The following REPS2 variants were observed in gnomAD, a reference collection of about 807,000 sequenced individuals.
REPS2 encodes RALBP1 associated Eps domain containing 2.
REPS2 carries 23 observed loss-of-function variants against 53.6 expected under a neutral mutation model. The ratio of observed to expected loss-of-function variants is 0.43; its 90% CI spans 0.31 to 0.61. REPS2 has a LOEUF of 0.61. Ranked by LOEUF, REPS2 falls within the 20% of genes least tolerant of loss-of-function variation. REPS2 has a pLI of 0.11. For missense variants in REPS2, 446 were observed against 534.9 expected (o/e 0.83, Z 1.64); for synonymous variants, 238 against 218.6 (o/e 1.09, Z -0.78).
chrX:17,133,872 C>G lies in REPS2; in HGVS notation c.1627C>G (p.Pro543Ala). Residue 543 changes from proline (P) to alanine (A), a missense_variant, in exon 15 of 18, where the codon CCA becomes GCA. By Grantham distance (27) the Pro-to-Ala change is conservative. Coordinates refer to ENST00000357277, the MANE Select transcript of REPS2 (RefSeq NM_004726.3). ...AELLPQLSRA[P>A]SQAAESSPAK... ...GTTACTCCCACAGCTGAGCAGAGCC[C>G]CATCCCAGGCTGCAGAAAGTAGTCC... 8.3e-7 allele frequency: 1 copy of G among 1,211,307 alleles called. No homozygotes were observed. Among genetic ancestry groups the G allele is most frequent in the Admixed American group, 2.2e-5 (1 of 46,046 alleles).
chrX:17,001,715 G>A (rs1374191482), intron 1 of REPS2, among the ~76,000 whole-genome samples: 1 of 112,258 alleles, frequency 8.9e-6, no homozygotes, highest in African/African-American at 3.2e-5. Flanking sequence ...AGGCATATCC[G>A]AGACTGGGAA....
chrX:17,007,174 A>G (rs2061371765), intron 2 of REPS2, among the ~76,000 whole-genome samples: 1 of 112,064 alleles, frequency 8.9e-6, no homozygotes, highest in Non-Finnish European at 1.9e-5. Flanking sequence ...TAGACATACA[A>G]GTGGATTCAG....
At chrX:17,108,470 C>T (rs766152602) in intron 14 of REPS2, among the ~76,000 whole-genome samples, 1 of 111,271 alleles carries the variant, frequency 9.0e-6, no homozygotes, top group Non-Finnish European at 1.9e-5. Flanking sequence ...CCGTGCCCGG[C>T]GAGTTTGTGT....
chrX:17,008,402 T>A (rs2061387884), intron 2 of REPS2, among the ~76,000 whole-genome samples: 1 of 112,322 alleles, frequency 8.9e-6, no homozygotes, highest in Non-Finnish European at 1.9e-5. Context: ...GACAGTTTAA[T>A]TTCCTGAGGG....
intron 10 of REPS2, among the ~76,000 whole-genome samples, chrX:17,069,270 C>T (rs1431014009): frequency 9.0e-6 from 1 of 111,660 alleles, no homozygotes; most frequent in Non-Finnish European, 1.9e-5. Context: ...TTTTCTAAGC[C>T]TCAAGCCAGT....
chrX:16,954,723 C>G (rs1174085773), intron 1 of REPS2, among the ~76,000 whole-genome samples: 1 of 110,868 alleles, frequency 9.0e-6, no homozygotes, highest in Non-Finnish European at 1.9e-5. Context: ...CTTCACACTC[C>G]TAAGTAGGGG....
intron 1 of REPS2, among the ~76,000 whole-genome samples, chrX:16,951,698 A>G (rs1261433073): frequency 6.3e-5 from 7 of 111,591 alleles, no homozygotes; most frequent in Non-Finnish European, 1.1e-4. Context: ...CCTGGGTGAA[A>G]GAGCCAGACC....
At chrX:17,052,774 T>C (rs1457261560) in intron 7 of REPS2, among the ~76,000 whole-genome samples, 7 of 112,456 alleles carry the variant, frequency 6.2e-5, no homozygotes. Flanking sequence ...TTTCAGACTT[T>C]TCTGCTAGGT....
At chrX:17,019,968 C>T (rs2061550423) in intron 2 of REPS2, among the ~76,000 whole-genome samples, 1 of 112,267 alleles carries the variant, frequency 8.9e-6, no homozygotes, top group Admixed American at 9.4e-5. Flanking sequence ...TATGGTTATA[C>T]TTCTGTTAAG....
At position 17,077,032 on chromosome X, in the gene REPS2, G is replaced by C. The variant is rs187822818; in HGVS notation, c.1380-239G>C. 5.4e-5 allele frequency among the ~76,000 whole-genome samples: 6 copies of C among 111,571 alleles called. No homozygotes were observed. In the East Asian group the frequency reaches 1.7e-3, roughly 31 times the overall value. On this transcript the variant is annotated intron_variant, in intron 12 of 17. Transcript: ENST00000357277. ...ATTTACACAAAGTTTTTTTTGGGGG[G>C]TTGATTCAGATCTAAGGTATAATAA...
At chrX:16,974,525 A>G (rs1179706789) in intron 1 of REPS2, among the ~76,000 whole-genome samples, 1 of 110,029 alleles carries the variant, frequency 9.1e-6, no homozygotes, top group Non-Finnish European at 1.9e-5. Context: ...GGCACCTATA[A>G]TCCCAGCTAC....
In REPS2 at chrX:17,115,625, A is replaced by G. The variant is rs776243343; in HGVS notation, c.1578+11846A>G. 7.1e-5 allele frequency among the ~76,000 whole-genome samples: 8 copies of G among 111,890 alleles called. No individual in the cohort carries two copies. The East Asian group carries it at 2.2e-3, about 31-fold the overall frequency. ...ACGAGGCCATATTTCAGACTATCAC[A>G]TGGGGAGAAACCTTGGACAATACCT... On this transcript the variant is annotated intron_variant, in intron 14 of 17. Transcript: ENST00000357277.
the REPS2 span, among the ~76,000 whole-genome samples, chrX:17,189,744 G>T: frequency 9.0e-6 from 1 of 110,525 alleles, no homozygotes; most frequent in African/African-American, 3.3e-5. Flanking sequence ...ATAGTTATTA[G>T]TGCCCTTCAC....
intron 1 of REPS2, among the ~76,000 whole-genome samples, chrX:16,959,599 G>A (rs760445817): frequency 6.3e-5 from 7 of 111,455 alleles, no homozygotes; most frequent in Non-Finnish European, 1.3e-4. Context: ...TGGGGGTATG[G>A]CCAAGCATTA....
At chrX:17,051,854 A>G (rs1036185557) in intron 6 of REPS2, among the ~76,000 whole-genome samples, 1 of 112,036 alleles carries the variant, frequency 8.9e-6, no homozygotes. Context: ...TGATACAGGT[A>G]AATCAACAAT....
At chrX:17,026,824 G>A (rs763981447) in intron 4 of REPS2, among the ~76,000 whole-genome samples, 15 of 111,639 alleles carry the variant, frequency 1.3e-4, no homozygotes, top group African/African-American at 4.6e-4. Flanking sequence ...TTCTCACTTT[G>A]TCACTCAGGC....
rs565254631 is a variant in REPS2, at chrX:17,133,363, G to A, written c.1579-461G>A. On this transcript the variant is annotated intron_variant, in intron 14 of 17. Coordinates refer to ENST00000357277, the MANE Select transcript of REPS2 (RefSeq NM_004726.3). The stretch of plus-strand genomic sequence containing the variant: ...CAGTGCGTGGGCTTTGGTTGGCCTG[G>A]GGGATAGTTCTTACCTCTTCTTCTT... Among the ~76,000 whole-genome samples the A allele has an allele frequency of 1.4e-4, 16 of 111,254 alleles. No homozygotes were observed. In the South Asian group the frequency reaches 6.2e-3, roughly 43 times the overall value.
chrX:16,965,309 G>A (rs868656509), intron 1 of REPS2, among the ~76,000 whole-genome samples: 9 of 106,961 alleles, frequency 8.4e-5, no homozygotes, highest in Admixed American at 2.9e-4. Context: ...CTGGCCGGGC[G>A]GGGGGCTGAC....
At chrX:17,070,181 G>A (rs971939435) in intron 11 of REPS2, among the ~76,000 whole-genome samples, 188 bp downstream of exon 11, 6 of 111,663 alleles carry the variant, frequency 5.4e-5, no homozygotes, top group Non-Finnish European at 7.5e-5. Flanking sequence ...GTATGAGAAC[G>A]GGGTGATATC....
Sources: gnomAD v4.1 joint callset for allele counts (sites outside exome capture counted in the v4.1 genomes callset) on GRCh38, gnomAD v4.1.1 for gene constraint, MANE v1.5 for transcripts, NCBI Gene and HGNC (gene_info 2026-07-23, HGNC 2026-07-21) for gene names.